OR2T6: variants seen among roughly 807,000 people sequenced by gnomAD.
OR2T6 encodes olfactory receptor family 2 subfamily T member 6.
For missense variants in OR2T6, 424 were observed against 391.6 expected, an observed-to-expected ratio of 1.08 and a Z score of -0.70; for synonymous variants, 174 against 148.0, an observed-to-expected ratio of 1.18 and a Z score of -1.27.
At chr1:248,384,287 G>A (rs1661093490) in intron 1 of OR2T6, among the ~76,000 whole-genome samples, 4 of 107,346 alleles carry the variant, frequency 3.7e-5, no homozygotes, top group African/African-American at 2.2e-4. Flanking sequence ...GTAAAGCACT[G>A]CACTAGCCTG....
intron 2 of OR2T6, among the ~76,000 whole-genome samples, chr1:248,385,487 T>C (rs539919123): frequency 1.6e-3 from 243 of 152,208 alleles, no homozygotes; most frequent in Admixed American, 2.9e-3. Context: ...ATGACAGTCT[T>C]CTTCCTGGAA....
At chr1:248,387,550 T>A (rs575240369) in intron 2 of OR2T6, 55 bp from the exon 3 acceptor site, 9 of 1,070,608 alleles carry the variant, frequency 8.4e-6, no homozygotes, top group Non-Finnish European at 1.2e-5. Flanking sequence ...GTGATTTATC[T>A]TTTGTCATTT....
chr1:248,382,881 A>G (rs1303339599), intron 1 of OR2T6, among the ~76,000 whole-genome samples: 1 of 152,170 alleles, frequency 6.6e-6, no homozygotes, highest in South Asian at 2.1e-4. Flanking sequence ...AGAGCTACTC[A>G]AGTTTTATCC....
chr1:248,383,073 G>A (rs1661067744), intron 1 of OR2T6, among the ~76,000 whole-genome samples: 1 of 149,610 alleles, frequency 6.7e-6, no homozygotes, highest in Non-Finnish European at 1.5e-5. Flanking sequence ...GCACTAGCCT[G>A]AGTGTGCTCA....
chr1:248,384,534 G>A (rs1404311629), intron 1 of OR2T6, among the ~76,000 whole-genome samples, 177 bp from the exon 2 acceptor site: 1 of 109,576 alleles, frequency 9.1e-6, no homozygotes, highest in Admixed American at 1.0e-4. Context: ...GTGTTTCCTA[G>A]TGTTATCATC....
At chr1:248,385,434 A>G (rs145385730) in intron 2 of OR2T6, among the ~76,000 whole-genome samples, 1 of 152,336 alleles carries the variant, frequency 6.6e-6, no homozygotes, top group African/African-American at 2.4e-5. Flanking sequence ...CTATTACCTA[A>G]CATCTTGATA....
chr1:248,382,235 G>A (rs1438290494), intron 1 of OR2T6, among the ~76,000 whole-genome samples: 1 of 152,164 alleles, frequency 6.6e-6, no homozygotes, highest in East Asian at 1.9e-4. Context: ...TGGTCAGTGT[G>A]AATTTTAGCC....
chr1:248,382,624 C>T (rs1447394525), intron 1 of OR2T6, among the ~76,000 whole-genome samples: 3 of 151,488 alleles, frequency 2.0e-5, no homozygotes, highest in African/African-American at 7.3e-5. Context: ...CCCCTGCCTC[C>T]CTGGTTCAAG....
In OR2T6 at chr1:248,388,475, C is replaced by G. The variant is rs368331854; in HGVS notation, c.867C>G (p.Ile289Met). The change falls in exon 3 of 3, where the codon ATC becomes ATG. Residue 289 changes from isoleucine (I) to methionine (M), a missense_variant. Ile to Met is a conservative substitution (Grantham distance 10). Transcript: ENST00000641644. ...TCACACCCTTATTAAACCCTCTCAT[C>G]TACAGTCTGAGGAACAGGGATGTGA... is the stretch of plus-strand genomic sequence containing the variant. ...TILTPLLNPL[I>M]YSLRNRDVMG... The G allele has an allele frequency of 6.9e-6, 11 of 1,605,656 alleles. No homozygotes were observed. Among genetic ancestry groups the G allele is most frequent in the Non-Finnish European group, 9.4e-6 (11 of 1,175,750 alleles).
Position 248,387,702 on chromosome 1 carries a change from T to TG in OR2T6, c.95dup (p.Cys32TrpfsTer11). ...CTCAGGATTCTTTTTCGGTGTCATTTGTGCCGTCTTCTTCATGGCCATGAT... is the reference window on the plus strand; with the variant it reads ...CTCAGGATTCTTTTTCGGTGTCATTTGGTGCCGTCTTCTTCATGGCCATGAT... On this transcript the variant is annotated frameshift_variant, in exon 3 of 3. Transcript: ENST00000641644. LOFTEE classifies it low-confidence loss of function (END_TRUNC). 6.2e-7 allele frequency: 1 copy of TG among 1,613,896 alleles called. No homozygotes were observed. Among genetic ancestry groups the TG allele is most frequent in the African/African-American group, 1.3e-5 (1 of 75,002 alleles).
intron 1 of OR2T6, among the ~76,000 whole-genome samples, chr1:248,382,720 C>T (rs1360152511): frequency 6.6e-6 from 1 of 151,996 alleles, no homozygotes; most frequent in African/African-American, 2.4e-5. Context: ...GACAGGGTTT[C>T]ACCATGTTGG....
In OR2T6 at chr1:248,390,267, C is replaced by T. The variant is rs567648547; in HGVS notation, c.*1732C>T. On this transcript the variant is annotated 3_prime_UTR_variant, in exon 3 of 3. Coordinates refer to ENST00000641644, the MANE Select transcript of OR2T6 (RefSeq NM_001005471.2). ...TGATTTCTTTTTAAGTGGCTAAGAACTGGAGAAAAAATGTTTGGCCTAAAC... is the reference window on the plus strand; with the variant it reads ...TGATTTCTTTTTAAGTGGCTAAGAATTGGAGAAAAAATGTTTGGCCTAAAC... The T allele has an allele frequency of 3.9e-5, 6 of 152,212 alleles. No individual in the cohort carries two copies. In the South Asian group the frequency reaches 1.0e-3, roughly 26 times the overall value. The allele number at this position is 152,212 out of a possible 1,614,324, so 9.4% of individuals were successfully genotyped here.
chr1:248,378,424 C>T (rs1225741526), intron 1 of OR2T6, among the ~76,000 whole-genome samples: 2 of 150,442 alleles, frequency 1.3e-5, no homozygotes, highest in Admixed American at 6.6e-5. Flanking sequence ...CTGGAGTGTG[C>T]GTTTTAAAGT....
chr1:248,376,217 T>G (rs1250946769), intron 1 of OR2T6, among the ~76,000 whole-genome samples, 163 bp downstream of exon 1: 1 of 152,222 alleles, frequency 6.6e-6, no homozygotes, highest in Non-Finnish European at 1.5e-5. Flanking sequence ...ATGTGATATC[T>G]TCTAAGTTAC....
chr1:248,375,959 A>T lies in OR2T6; in HGVS notation c.-254A>T, dbSNP rs1278872015. On this transcript the variant is annotated 5_prime_UTR_variant, in exon 1 of 3. Coordinates refer to ENST00000641644, the MANE Select transcript of OR2T6 (RefSeq NM_001005471.2). ...AAGAAGATCAAGAAGGTTCCCTTTT[A>T]TCTCTTGTTTCTAAGGTCTCACCTC... 1 of 152,028 alleles carries T rather than the reference A, an allele frequency of 6.6e-6. No individual in the cohort carries two copies. Among genetic ancestry groups the T allele is most frequent in the Non-Finnish European group, 1.5e-5 (1 of 68,008 alleles). 9.4% of individuals were successfully genotyped at this position (152,028 alleles called of 1,614,324 possible).
intron 1 of OR2T6, among the ~76,000 whole-genome samples, chr1:248,377,136 A>G (rs1660950696): frequency 6.6e-6 from 1 of 152,180 alleles, no homozygotes; most frequent in Non-Finnish European, 1.5e-5. Flanking sequence ...GCACGGGCAT[A>G]ACACTTCCTG....
chr1:248,388,212 T>G lies in OR2T6; in HGVS notation c.604T>G (p.Cys202Gly). The G allele has an allele frequency of 6.2e-7, 1 of 1,613,852 alleles. No homozygotes were observed. The highest frequency in any genetic ancestry group is 1.7e-5 in the Admixed American group (1 of 59,992). ...CACCTATGAAACAGTGATGTATGTGTGCTGCGTTGCAATGCTGCTGATCCC... is the reference window on the plus strand; with the variant it reads ...CACCTATGAAACAGTGATGTATGTGGGCTGCGTTGCAATGCTGCTGATCCC... ...KTTYETVMYV[C>G]CVAMLLIPFS... Residue 202 changes from cysteine (C) to glycine (G), a missense_variant, in exon 3 of 3, where the codon TGC (cysteine) becomes GGC (glycine). Transcript: ENST00000641644.
intron 2 of OR2T6, among the ~76,000 whole-genome samples, chr1:248,385,216 G>A (rs1384861784): frequency 6.6e-6 from 1 of 152,126 alleles, no homozygotes; most frequent in African/African-American, 2.4e-5. Context: ...TACATGTGCT[G>A]GCCAAAACCG....
chr1:248,379,731 A>G (rs1661001165), intron 1 of OR2T6, among the ~76,000 whole-genome samples: 1 of 152,030 alleles, frequency 6.6e-6, no homozygotes, highest in Non-Finnish European at 1.5e-5. Context: ...TTGTGTACAA[A>G]GATTTTTAAA....
Sources: gnomAD v4.1 joint callset for allele counts (sites outside exome capture counted in the v4.1 genomes callset) on GRCh38, gnomAD v4.1.1 for gene constraint, MANE v1.5 for transcripts, NCBI Gene and HGNC (gene_info 2026-07-23, HGNC 2026-07-21) for gene names.